LUZP2: variants seen among roughly 807,000 people sequenced by gnomAD.
LUZP2 encodes leucine zipper protein 2.
In LUZP2, 52 loss-of-function variants were observed where a neutral mutation model predicts 51.6. That is an observed-to-expected ratio of 1.01 (90% CI 0.81 to 1.27). The LOEUF is 1.27. LUZP2 is among the 50% of genes most tolerant of loss of function. The pLI is 0.00. For synonymous variants in LUZP2, 154 were observed against 137.3 expected (o/e 1.12, Z -0.85); for missense variants, 436 against 395.4 (o/e 1.10, Z -0.87).
chr11:24,999,207 T>G (rs1856600099), intron 9 of LUZP2, among the ~76,000 whole-genome samples: 1 of 152,172 alleles, frequency 6.6e-6, no homozygotes, highest in Non-Finnish European at 1.5e-5. Flanking sequence ...TATGACTAAT[T>G]ACATTTAGTT....
chr11:24,647,009 A>C (rs1262810764), intron 1 of LUZP2, among the ~76,000 whole-genome samples: 5 of 152,074 alleles, frequency 3.3e-5, no homozygotes, highest in Non-Finnish European at 7.4e-5. Flanking sequence ...CAGCTCCAGT[A>C]GAAGTATTAT....
chr11:24,920,569 T>G (rs928973852), intron 7 of LUZP2, among the ~76,000 whole-genome samples: 1 of 151,948 alleles, frequency 6.6e-6, no homozygotes, highest in South Asian at 2.1e-4. Flanking sequence ...GATAAAGAAA[T>G]GTGGCATATG....
rs748469214 is a variant in LUZP2, at chr11:24,746,745, T to C, written c.333+8443T>C. 1.3e-4 allele frequency among the ~76,000 whole-genome samples: 20 copies of C among 152,320 alleles called. No individual in the cohort carries two copies. The Middle Eastern group carries it at 0.014, about 104-fold the overall frequency. ...AGACTTCTTGGAGGCTTAGTTCATA[T>C]TTTCTTATTCTTTTTTTCTTTGTCT... On this transcript the variant is annotated intron_variant, in intron 4 of 11. Coordinates refer to ENST00000336930, the MANE Select transcript of LUZP2 (RefSeq NM_001009909.4).
intron 7 of LUZP2, among the ~76,000 whole-genome samples, chr11:24,952,258 A>G (rs1855099292): frequency 6.6e-6 from 1 of 151,754 alleles, no homozygotes; most frequent in African/African-American, 2.4e-5. Flanking sequence ...TCTAAATCAT[A>G]TTATAATATA....
At chr11:24,645,929 T>C (rs1463207541) in intron 1 of LUZP2, among the ~76,000 whole-genome samples, 2 of 151,980 alleles carry the variant, frequency 1.3e-5, no homozygotes, top group African/African-American at 2.4e-5. Flanking sequence ...TGGAATCAAA[T>C]AGGTCATTCA....
intron 5 of LUZP2, among the ~76,000 whole-genome samples, chr11:24,868,937 T>C (rs539446759): frequency 5.4e-4 from 82 of 152,242 alleles, no homozygotes; most frequent in African/African-American, 2.0e-3. Context: ...CAAAATAGAA[T>C]TGTAGAGAGA....
chr11:25,077,561 G>A (rs10834600), intron 11 of LUZP2, among the ~76,000 whole-genome samples, 155 bp downstream of exon 11: 78,067 of 150,832 alleles, frequency 0.52, 20,788 homozygotes, highest in Non-Finnish European at 0.56. Context: ...GTGCAGTGGC[G>A]CAATCTCGGC....
At chr11:24,923,566 G>A (rs144689312) in intron 7 of LUZP2, among the ~76,000 whole-genome samples, 1,538 of 152,096 alleles carry the variant, frequency 0.01, 24 homozygotes, top group African/African-American at 0.035. Context: ...GCTTGGTGGC[G>A]CATGCCTGTA....
At chr11:24,897,254 TCA>T (rs756879638) in intron 5 of LUZP2, among the ~76,000 whole-genome samples, 2 of 152,162 alleles carry the variant, frequency 1.3e-5, no homozygotes, top group African/African-American at 2.4e-5. Context: ...AATGGGCCAA[TCA>T]GCAGGATGCA....
chr11:24,698,810 C>T (rs1857330058), intron 1 of LUZP2, among the ~76,000 whole-genome samples: 1 of 152,074 alleles, frequency 6.6e-6, no homozygotes, highest in Non-Finnish European at 1.5e-5. Flanking sequence ...AATCCTCTCA[C>T]TTTGGAAGGC....
At chr11:24,943,510 T>G (rs139839843) in intron 7 of LUZP2, among the ~76,000 whole-genome samples, 1 of 152,294 alleles carries the variant, frequency 6.6e-6, no homozygotes, top group Non-Finnish European at 1.5e-5. Flanking sequence ...CAGTCACCTT[T>G]TCCTGTAGGA....
In LUZP2 at chr11:25,053,680, C is replaced by T. The variant is rs1202464454; in HGVS notation, c.858+3550C>T. 2.0e-5 allele frequency among the ~76,000 whole-genome samples: 3 copies of T among 151,734 alleles called. No homozygotes were observed. In the South Asian group the frequency reaches 6.2e-4, roughly 31 times the overall value. ...TTTTATTGTGTGGTGTACCACATTT[C>T]TTTATCCATTCACCAATTGCTGTCT... On this transcript the variant is annotated intron_variant, in intron 10 of 11. Coordinates refer to ENST00000336930, the MANE Select transcript of LUZP2 (RefSeq NM_001009909.4).
At chr11:24,993,439 A>G (rs1315068216) in intron 9 of LUZP2, among the ~76,000 whole-genome samples, 2 of 152,120 alleles carry the variant, frequency 1.3e-5, no homozygotes, top group Non-Finnish European at 2.9e-5. Flanking sequence ...TATATTAAGG[A>G]AATCATAGTT....
chr11:24,533,611 A>AC (rs1851080890), intron 1 of LUZP2, among the ~76,000 whole-genome samples: 4 of 151,266 alleles, frequency 2.6e-5, no homozygotes, highest in Non-Finnish European at 5.9e-5. Flanking sequence ...AGTAAAACTT[A>AC]TCCTTGCTAC....
At chr11:24,592,571 T>G (rs1273455620) in intron 1 of LUZP2, among the ~76,000 whole-genome samples, 1 of 152,118 alleles carries the variant, frequency 6.6e-6, no homozygotes, top group Non-Finnish European at 1.5e-5. Context: ...CTGGAAGACT[T>G]TCCTCAGCCT....
chr11:25,078,522 C>A, intron 11 of LUZP2, 32 bp from the exon 12 acceptor site: 1 of 1,533,740 alleles, frequency 6.5e-7, no homozygotes. Flanking sequence ...TATTTTGATT[C>A]TTCGAATTGT....
chr11:24,937,461 G>A (rs1329946260), intron 7 of LUZP2, among the ~76,000 whole-genome samples: 1 of 152,122 alleles, frequency 6.6e-6, no homozygotes, highest in Non-Finnish European at 1.5e-5. Flanking sequence ...GATTGTATAT[G>A]CAAATACATT....
At chr11:24,961,648 T>C (rs11500138) in intron 7 of LUZP2, among the ~76,000 whole-genome samples, 145,229 of 152,020 alleles carry the variant, frequency 0.96, 69,434 homozygotes, top group Non-Finnish European at 0.98. Flanking sequence ...TGTCTCTGCA[T>C]GTGAGATGGG....
chr11:25,023,799 C>T (rs1857409353), intron 9 of LUZP2, among the ~76,000 whole-genome samples: 1 of 152,150 alleles, frequency 6.6e-6, no homozygotes, highest in South Asian at 2.1e-4. Context: ...CTACACACTG[C>T]TTTAAATGTG....
Sources: gnomAD v4.1 joint callset for allele counts (sites outside exome capture counted in the v4.1 genomes callset) on GRCh38, gnomAD v4.1.1 for gene constraint, MANE v1.5 for transcripts, NCBI Gene and HGNC (gene_info 2026-07-23, HGNC 2026-07-21) for gene names.